C12orf54: variants seen among roughly 807,000 people sequenced by gnomAD.
The protein encoded by C12orf54 is chromosome 12 open reading frame 54.
A neutral mutation model predicts 26.4 loss-of-function variants in C12orf54; 24 were observed. The ratio of observed to expected loss-of-function variants is 0.91; its 90% CI spans 0.66 to 1.28. C12orf54 has a LOEUF of 1.28. C12orf54 is among the 50% of genes most tolerant of loss of function. The pLI, the probability that C12orf54 is intolerant of heterozygous loss-of-function variation, is 0.00. For missense variants in C12orf54, 154 were observed against 150.9 expected, an observed-to-expected ratio of 1.02 and a Z score of -0.11; for synonymous variants, 54 against 47.0, an observed-to-expected ratio of 1.15 and a Z score of -0.61.
At chr12:48,443,346 T>C in the C12orf54 span, among the ~76,000 whole-genome samples, 1 of 152,204 alleles carries the variant, frequency 6.6e-6, no homozygotes, top group Non-Finnish European at 1.5e-5. Flanking sequence ...AAGTAGAGCA[T>C]GGCTTTAGGT....
chr12:48,442,238 G>A, the C12orf54 span: 1 of 204,534 alleles, frequency 4.9e-6, no homozygotes, highest in Admixed American at 4.6e-5. Flanking sequence ...GGAGCAGGTG[G>A]AGAAGGCTTT....
the C12orf54 span, among the ~76,000 whole-genome samples, chr12:48,457,200 G>A: frequency 4.6e-5 from 7 of 152,080 alleles, no homozygotes; most frequent in Non-Finnish European, 8.8e-5. Flanking sequence ...AGAGGTGACC[G>A]TAGGGCCCCA....
chr12:48,454,068 TTCTC>T, the C12orf54 span, among the ~76,000 whole-genome samples: 16 of 149,216 alleles, frequency 1.1e-4, no homozygotes, highest in African/African-American at 1.7e-4. Flanking sequence ...ATCAAGACAG[TTCTC>T]TCTCTCTCTC....
chr12:48,466,755 T>A, the C12orf54 span, among the ~76,000 whole-genome samples: 1 of 152,090 alleles, frequency 6.6e-6, no homozygotes, highest in Non-Finnish European at 1.5e-5. Context: ...GTACTGCAAC[T>A]TTAGAAAACA....
chr12:48,442,479 T>C, the C12orf54 span: 5 of 157,014 alleles, frequency 3.2e-5, no homozygotes, highest in African/African-American at 1.2e-4. Context: ...ACAAGGATAT[T>C]GATGAGGGCA....
chr12:48,424,004 G>C, the C12orf54 span, among the ~76,000 whole-genome samples: 368 of 152,138 alleles, frequency 2.4e-3, 1 homozygote, highest in African/African-American at 8.3e-3. Flanking sequence ...TACAAGTTAA[G>C]GGTGTTCTCA....
chr12:48,423,598 T>C, the C12orf54 span, among the ~76,000 whole-genome samples: 14 of 152,056 alleles, frequency 9.2e-5, no homozygotes, highest in African/African-American at 3.4e-4. Context: ...ATAAAGTGAT[T>C]CAGTTTAAGC....
chr12:48,416,625 GC>G, the C12orf54 span, among the ~76,000 whole-genome samples: 1 of 152,270 alleles, frequency 6.6e-6, no homozygotes, highest in East Asian at 1.9e-4. Context: ...ACTTTGGGAG[GC>G]CGAGACAGGT....
chr12:48,463,040 G>T, the C12orf54 span, among the ~76,000 whole-genome samples: 1 of 151,768 alleles, frequency 6.6e-6, no homozygotes, highest in Admixed American at 6.6e-5. Context: ...GTTTAGCAAG[G>T]TTGCAGAATA....
intron 5 of C12orf54, among the ~76,000 whole-genome samples, chr12:48,489,590 AT>A (rs1262039980): frequency 6.6e-6 from 1 of 151,380 alleles, no homozygotes; most frequent in Non-Finnish European, 1.5e-5. Flanking sequence ...CTTTTTTTGT[AT>A]TTTTTTGTAG....
the C12orf54 span, among the ~76,000 whole-genome samples, chr12:48,456,492 G>A: frequency 6.6e-6 from 1 of 152,196 alleles, no homozygotes; most frequent in African/African-American, 2.4e-5. Context: ...AAGGAAGAGA[G>A]ATGTGAACAG....
intron 4 of C12orf54, among the ~76,000 whole-genome samples, chr12:48,487,104 T>G (rs565171855): frequency 1.3e-5 from 2 of 152,344 alleles, no homozygotes; most frequent in East Asian, 3.9e-4. Context: ...ACTTTATAGT[T>G]GAAGGGTATA....
At chr12:48,479,376 TG>T (rs1954175801), upstream of C12orf54, among the ~76,000 whole-genome samples, 1 of 150,750 alleles carries the variant, frequency 6.6e-6, no homozygotes, top group Admixed American at 6.6e-5. Flanking sequence ...GTGGCGGGAG[TG>T]GGGAGGGATA....
the C12orf54 span, among the ~76,000 whole-genome samples, chr12:48,414,000 T>C: frequency 1.3e-5 from 2 of 152,222 alleles, no homozygotes; most frequent in Non-Finnish European, 2.9e-5. Context: ...TCACCCCCAC[T>C]AATTTATTCC....
At chr12:48,473,102 C>T in the C12orf54 span, 378 of 1,613,416 alleles carry the variant, frequency 2.3e-4, 1 homozygote, top group African/African-American at 3.4e-3. Flanking sequence ...CATATCTCAA[C>T]GGCTGTGACC....
At chr12:48,441,091 T>G in the C12orf54 span, among the ~76,000 whole-genome samples, 1 of 152,210 alleles carries the variant, frequency 6.6e-6, no homozygotes, top group African/African-American at 2.4e-5. Context: ...AGCATTTATC[T>G]AACGTATGTG....
chr12:48,432,331 T>C, the C12orf54 span, among the ~76,000 whole-genome samples: 1 of 152,184 alleles, frequency 6.6e-6, no homozygotes, highest in East Asian at 1.9e-4. Flanking sequence ...AGAAAAAGCT[T>C]GTGATAAAAT....
chr12:48,490,970 T>C (rs1937777595), intron 6 of C12orf54, 134 bp downstream of exon 6: 1 of 1,119,170 alleles, frequency 8.9e-7, no homozygotes, highest in African/African-American at 1.5e-5. Flanking sequence ...TCCCAAAGTC[T>C]CACCCTAGGA....
At chr12:48,470,084 C>A in the C12orf54 span, among the ~76,000 whole-genome samples, 1 of 152,182 alleles carries the variant, frequency 6.6e-6, no homozygotes, top group Non-Finnish European at 1.5e-5. Context: ...TTTCTTTATC[C>A]AGTCTAACCA....
Sources: allele counts gnomAD v4.1 joint callset (sites outside exome capture counted in the v4.1 genomes callset), GRCh38; gene constraint gnomAD v4.1.1; transcripts MANE v1.5; gene names NCBI Gene and HGNC (gene_info 2026-07-23, HGNC 2026-07-21).